The following ADGRF5 variants were observed in gnomAD, a reference collection of about 807,000 sequenced individuals.
ADGRF5 encodes G-protein coupled receptor 116.
A neutral mutation model predicts 132.3 loss-of-function variants in ADGRF5; 75 were observed. That is an observed-to-expected ratio of 0.57 (90% confidence interval 0.47 to 0.69). The LOEUF (loss-of-function observed/expected upper bound fraction) is 0.69, where lower values mean the gene tolerates loss of function less well. Among genes scored for constraint, ADGRF5 ranks in the 30% least tolerant of loss-of-function variants. ADGRF5 has a pLI of 0.00. For missense variants in ADGRF5, 1,516 were observed against 1,630.6 expected (o/e 0.93, Z 1.21); for synonymous variants, 629 against 597.6 (o/e 1.05, Z -0.77).
chr6:46,868,256 CTGAG>C (rs1770669267), intron 12 of ADGRF5, among the ~76,000 whole-genome samples: 1 of 152,198 alleles, frequency 6.6e-6, no homozygotes, highest in African/African-American at 2.4e-5. Flanking sequence ...CTTAACTTTA[CTGAG>C]TCTCAGTTTC....
chr6:46,912,529 G>A (rs1050691055), intron 1 of ADGRF5, among the ~76,000 whole-genome samples: 2 of 152,140 alleles, frequency 1.3e-5, no homozygotes, highest in Admixed American at 6.5e-5. Flanking sequence ...CCAGGATGGG[G>A]AGGACTTGTC....
upstream of ADGRF5, among the ~76,000 whole-genome samples, chr6:46,925,926 T>C (rs1233534160): frequency 6.6e-6 from 1 of 152,220 alleles, no homozygotes; most frequent in Non-Finnish European, 1.5e-5. Flanking sequence ...TTATTTTCTT[T>C]TATTTTTTAA....
At chr6:46,874,946 T>C (rs1444015542) in intron 10 of ADGRF5, among the ~76,000 whole-genome samples, 1 of 152,312 alleles carries the variant, frequency 6.6e-6, no homozygotes, top group African/African-American at 2.4e-5. Context: ...CTACATATCC[T>C]ACAATGCACA....
intron 1 of ADGRF5, 147 bp from the exon 2 acceptor site, chr6:46,906,933 C>T: frequency 4.8e-6 from 3 of 625,240 alleles, no homozygotes; most frequent in South Asian, 3.7e-5. Flanking sequence ...AAGGAATCAA[C>T]TTAGCATTCT....
In ADGRF5 at chr6:46,869,270, G is replaced by A. The variant is rs7739147; in HGVS notation, c.1412-178C>T. ...ACCTTGCTGCTCCTGGGCTTTACTC[G>A]TTTCTAGGCTGTTCCTGGTGGTGCT... On this transcript the variant is annotated intron_variant, in intron 11 of 20. Transcript: ENST00000283296. The A allele has an allele frequency of 2.1e-3, 3,038 of 1,439,434 alleles. 42 individuals carry two copies. In the African/African-American group the frequency reaches 0.034, roughly 16 times the overall value. The allele number at this position is 1,439,434 out of a possible 1,614,324, so 89.2% of individuals were successfully genotyped here.
In ADGRF5 at chr6:46,917,783, G is replaced by T. The variant is rs189637668; in HGVS notation, c.-25+3930C>A. 8.9e-4 allele frequency among the ~76,000 whole-genome samples: 136 copies of T among 151,974 alleles called. 1 individual carries two copies. Among genetic ancestry groups the T allele is most frequent in the Admixed American group, 5.2e-4 (8 of 15,256 alleles). On this transcript the variant is annotated intron_variant, in intron 1 of 20. Transcript: ENST00000283296. ...ACATGCAGTGTTTGGTTTTCTCTTA[G>T]AAATACCTAATGTAAATGAGGAATT...
At chr6:46,920,328 A>G (rs1441961171) in intron 1 of ADGRF5, among the ~76,000 whole-genome samples, 1 of 152,200 alleles carries the variant, frequency 6.6e-6, no homozygotes, top group East Asian at 1.9e-4. Context: ...ATACTTTTCT[A>G]AGAGTTAAAA....
chr6:46,888,425 T>G lies in ADGRF5; in HGVS notation c.238A>C (p.Ile80Leu). The change falls in exon 4 of 21, where the codon ATC (isoleucine) becomes CTC (leucine). Residue 80 changes from isoleucine to leucine, a missense_variant. Coordinates refer to ENST00000283296, the MANE Select transcript of ADGRF5 (RefSeq NM_001098518.2). ...SFENASFLDPIKAYLNSLSFP... is the reference protein window; with the variant it reads ...SFENASFLDPLKAYLNSLSFP... ...CTGAGGCTGTTCAAGTAGGCTTTGA[T>G]AGGATCCAGGAAGGATGCATTTTCA... The G allele has an allele frequency of 2.5e-6, 4 of 1,610,430 alleles. No homozygotes were observed. Among genetic ancestry groups the G allele is most frequent in the Non-Finnish European group, 3.4e-6 (4 of 1,176,622 alleles).
intron 17 of ADGRF5, among the ~76,000 whole-genome samples, chr6:46,857,843 T>C (rs1311259001): frequency 6.6e-6 from 1 of 152,176 alleles, no homozygotes; most frequent in Non-Finnish European, 1.5e-5. Context: ...ATCAAGATAA[T>C]CTTAGACAAA....
intron 3 of ADGRF5, among the ~76,000 whole-genome samples, chr6:46,889,770 ATG>A (rs1166954176): frequency 3.1e-5 from 3 of 97,068 alleles, no homozygotes; most frequent in African/African-American, 1.0e-4. Flanking sequence ...ATAATATATT[ATG>A]TGTGTGTGTA....
rs1554200479 is a variant in ADGRF5 at position 46,877,293 on chromosome 6, C to CT, written c.1240+908dup. ...TTTCTTTCTTTCTTTCTTTCTTTCT[C>CT]TCTCTCTCTCTCTTTCCTTCCTTCC... is the stretch of plus-strand genomic sequence containing the variant. On this transcript the variant is annotated intron_variant, in intron 10 of 20. Transcript: ENST00000283296. 1.3e-3 allele frequency among the ~76,000 whole-genome samples: 77 copies of CT among 58,380 alleles called. 1 individual carries two copies. Among genetic ancestry groups the CT allele is most frequent in the Middle Eastern group, 7.4e-3 (1 of 136 alleles). The allele number at this position is 58,380 out of a possible 152,430, so 38.3% of individuals were successfully genotyped here. A position where few individuals can be genotyped will look rare whatever the true frequency, so the allele number is the denominator to read the frequency against.
chr6:46,872,240 G>C (rs1047184750), intron 10 of ADGRF5, among the ~76,000 whole-genome samples: 1 of 152,178 alleles, frequency 6.6e-6, no homozygotes, highest in African/African-American at 2.4e-5. Context: ...TGTTGAGACA[G>C]TCACTTAACC....
At chr6:46,892,199 C>T (rs1394054655) in intron 3 of ADGRF5, among the ~76,000 whole-genome samples, 1 of 89,540 alleles carries the variant, frequency 1.1e-5, no homozygotes, top group African/African-American at 3.9e-5. Flanking sequence ...CACACACACA[C>T]ACACACACAC....
chr6:46,913,154 G>T (rs1776106512), intron 1 of ADGRF5, among the ~76,000 whole-genome samples: 1 of 152,216 alleles, frequency 6.6e-6, no homozygotes, highest in East Asian at 1.9e-4. Flanking sequence ...GGCAGGAACA[G>T]GAGGGAAACA....
chr6:46,922,789 G>A (rs565776529), upstream of ADGRF5, among the ~76,000 whole-genome samples: 1 of 152,338 alleles, frequency 6.6e-6, no homozygotes, highest in South Asian at 2.1e-4. Context: ...TGAGTCCCAT[G>A]CAGGTAGTCC....
chr6:46,948,025 A>T (rs1488828376), intron 1 of ADGRF5, among the ~76,000 whole-genome samples: 1 of 151,966 alleles, frequency 6.6e-6, no homozygotes, highest in African/African-American at 2.4e-5. Context: ...CCTGAGACCC[A>T]CCTCTTCATC....
chr6:46,891,485 C>G (rs570292704), intron 3 of ADGRF5, among the ~76,000 whole-genome samples: 5 of 152,334 alleles, frequency 3.3e-5, no homozygotes, highest in African/African-American at 7.2e-5. Flanking sequence ...CTTTGCCATG[C>G]CAGTCTACTA....
chr6:46,892,286 A>T (rs981455928), intron 3 of ADGRF5, among the ~76,000 whole-genome samples: 3 of 152,268 alleles, frequency 2.0e-5, no homozygotes, highest in Non-Finnish European at 4.4e-5. Context: ...ACTTTAAAGT[A>T]CTATTAAAAA....
chr6:46,874,205 G>T (rs1771390616), intron 10 of ADGRF5, among the ~76,000 whole-genome samples: 1 of 152,174 alleles, frequency 6.6e-6, no homozygotes, highest in African/African-American at 2.4e-5. Context: ...TTCACAGTGT[G>T]ATTCCAATCT....
Sources: allele counts gnomAD v4.1 joint callset (sites outside exome capture counted in the v4.1 genomes callset), GRCh38; gene constraint gnomAD v4.1.1; transcripts MANE v1.5; gene names NCBI Gene and HGNC (gene_info 2026-07-23, HGNC 2026-07-21).